The following STIM2 variants were observed in gnomAD, a reference collection of about 807,000 sequenced individuals.
The protein encoded by STIM2 is stromal interaction molecule 2.
Under a neutral mutation model 85.8 loss-of-function variants are expected in STIM2, and 31 were observed. The observed-to-expected ratio is 0.36, with a 90% CI of 0.27 to 0.49. The LOEUF is 0.49. Ranked by LOEUF, STIM2 falls within the 20% of genes least tolerant of loss-of-function variation. STIM2 has a pLI of 0.98. For missense variants in STIM2, 841 were observed against 927.6 expected (o/e 0.91, Z 1.21); for synonymous variants, 356 against 331.1 (o/e 1.08, Z -0.82).
intron 1 of STIM2, among the ~76,000 whole-genome samples, chr4:26,890,847 G>C (rs540927666): frequency 6.0e-5 from 9 of 150,166 alleles, no homozygotes; most frequent in African/African-American, 2.2e-4. Flanking sequence ...AAAAAAAGGA[G>C]AGTACTTTTC....
At chr4:26,882,397 C>A (rs182324375) in intron 1 of STIM2, among the ~76,000 whole-genome samples, 181 of 152,134 alleles carry the variant, frequency 1.2e-3, no homozygotes, top group African/African-American at 4.0e-3. Context: ...AGCAATGCCC[C>A]CTTGTAATTC....
chr4:26,872,989 C>T (rs1026711957), intron 1 of STIM2, among the ~76,000 whole-genome samples: 3 of 152,078 alleles, frequency 2.0e-5, no homozygotes, highest in Non-Finnish European at 4.4e-5. Context: ...GAAAGAGTAT[C>T]ATTTTGACCC....
chr4:26,911,793 T>C (rs1442393563), intron 1 of STIM2, among the ~76,000 whole-genome samples: 1 of 152,234 alleles, frequency 6.6e-6, no homozygotes, highest in East Asian at 1.9e-4. Context: ...TATAAAAGGC[T>C]GAAACTCATT....
chr4:26,891,511 G>A (rs1469763470), intron 1 of STIM2, among the ~76,000 whole-genome samples: 2 of 151,606 alleles, frequency 1.3e-5, no homozygotes, highest in African/African-American at 4.9e-5. Context: ...ACATATATGT[G>A]TGTTTGTGCA....
chr4:26,935,710 T>C (rs1725367753), intron 2 of STIM2, among the ~76,000 whole-genome samples: 1 of 152,222 alleles, frequency 6.6e-6, no homozygotes, highest in South Asian at 2.1e-4. Flanking sequence ...AGGACTCTGA[T>C]AGTAGCCAGA....
At chr4:26,992,109 G>T (rs1727787961) in intron 3 of STIM2, among the ~76,000 whole-genome samples, 1 of 152,080 alleles carries the variant, frequency 6.6e-6, no homozygotes, top group South Asian at 2.1e-4. Flanking sequence ...CTTATGTAAT[G>T]AAAAATCGCT....
intron 1 of STIM2, among the ~76,000 whole-genome samples, chr4:26,909,633 T>A (rs1273788020): frequency 6.6e-6 from 1 of 152,230 alleles, no homozygotes; most frequent in African/African-American, 2.4e-5. Flanking sequence ...TAATCATCTT[T>A]GTTCACTGTA....
chr4:26,931,745 G>A (rs1725214078), intron 2 of STIM2, among the ~76,000 whole-genome samples: 1 of 152,106 alleles, frequency 6.6e-6, no homozygotes, highest in African/African-American at 2.4e-5. Flanking sequence ...TTAACTTACA[G>A]TTACTGAGGT....
intron 1 of STIM2, among the ~76,000 whole-genome samples, chr4:26,912,883 G>A (rs955689068): frequency 6.6e-6 from 1 of 152,128 alleles, no homozygotes; most frequent in African/African-American, 2.4e-5. Context: ...GAGTACTGTT[G>A]GTATAGCAGA....
chr4:26,912,650 G>A (rs1280313278), intron 1 of STIM2, among the ~76,000 whole-genome samples: 1 of 152,094 alleles, frequency 6.6e-6, no homozygotes, highest in Non-Finnish European at 1.5e-5. Context: ...AGTCATATTT[G>A]TCTGTTTTCT....
chr4:26,936,828 C>T (rs1041259804), intron 2 of STIM2, among the ~76,000 whole-genome samples: 2 of 152,182 alleles, frequency 1.3e-5, no homozygotes, highest in Non-Finnish European at 2.9e-5. Context: ...GTCGCTCTGT[C>T]ACCCAGGCTG....
intron 1 of STIM2, among the ~76,000 whole-genome samples, chr4:26,904,577 A>G (rs34564472): frequency 0.066 from 10,037 of 152,186 alleles, 452 homozygotes; most frequent in Middle Eastern, 0.12. Context: ...TGTTGAGGTT[A>G]TAGGTGATCT....
intron 1 of STIM2, among the ~76,000 whole-genome samples, chr4:26,906,818 TTAGA>T (rs1037709210): frequency 3.9e-5 from 6 of 151,924 alleles, no homozygotes; most frequent in African/African-American, 1.5e-4. Flanking sequence ...TACAAAAAAA[TTAGA>T]TAGGCATGGT....
intron 3 of STIM2, among the ~76,000 whole-genome samples, chr4:26,980,159 T>A (rs1727331426): frequency 6.6e-6 from 1 of 152,188 alleles, no homozygotes; most frequent in African/African-American, 2.4e-5. Flanking sequence ...ATGTATAAAT[T>A]ACAAATAGGT....
intron 3 of STIM2, among the ~76,000 whole-genome samples, chr4:26,970,831 A>G (rs1273553901): frequency 6.6e-6 from 1 of 152,172 alleles, no homozygotes; most frequent in Non-Finnish European, 1.5e-5. Flanking sequence ...GTCTTCCACA[A>G]TGGTTGAACT....
chr4:26,914,685 T>TA (rs1233526134), intron 1 of STIM2, among the ~76,000 whole-genome samples: 3 of 152,206 alleles, frequency 2.0e-5, no homozygotes, highest in Non-Finnish European at 4.4e-5. Context: ...CTGTGGTAGA[T>TA]ACTGAGAATA....
At chr4:26,862,887 T>A (rs1417006301) in intron 1 of STIM2, among the ~76,000 whole-genome samples, 1 of 152,190 alleles carries the variant, frequency 6.6e-6, no homozygotes, top group Non-Finnish European at 1.5e-5. Flanking sequence ...ATTTGAAGAT[T>A]TAATGCCTCA....
intron 1 of STIM2, among the ~76,000 whole-genome samples, chr4:26,873,120 C>T (rs1722687129): frequency 6.6e-6 from 1 of 152,168 alleles, no homozygotes; most frequent in African/African-American, 2.4e-5. Context: ...GGGTAACAGG[C>T]CGGGTGTGGT....
At position 27,002,156 on chromosome 4, in the gene STIM2, T is replaced by C. The variant is rs2109131365; in HGVS notation, c.626-61T>C. 4 of 1,467,484 alleles carry C rather than the reference T, an allele frequency of 2.7e-6. No individual in the cohort carries two copies. The East Asian group carries it at 7.1e-5, about 26-fold the overall frequency. 90.9% of individuals were successfully genotyped at this position (1,467,484 alleles called of 1,614,324 possible). A position where few individuals can be genotyped will look rare whatever the true frequency, so the allele number is the denominator to read the frequency against. ...TTAGATACTACTTAAAAAATGTCTT[T>C]TTGTATTGAGGTCCTGTCATACTCA... On this transcript the variant is annotated intron_variant, in intron 5 of 11. Transcript: ENST00000467087.
Sources: allele counts gnomAD v4.1 joint callset (sites outside exome capture counted in the v4.1 genomes callset), GRCh38; gene constraint gnomAD v4.1.1; transcripts MANE v1.5; gene names NCBI Gene and HGNC (gene_info 2026-07-23, HGNC 2026-07-21).